PRKN: variants seen among roughly 807,000 people sequenced by gnomAD.
The protein encoded by PRKN is parkin RBR E3 ubiquitin protein ligase, also known as E3 ubiquitin-protein ligase parkin.
Under a neutral mutation model 59.5 loss-of-function variants are expected in PRKN, and 56 were observed. The ratio of observed to expected loss-of-function variants is 0.94; its 90% confidence interval spans 0.76 to 1.18. The LOEUF (loss-of-function observed/expected upper bound fraction) is 1.18. Among genes scored for constraint, PRKN ranks in the 50% most tolerant of loss-of-function variants. The pLI is 0.00. For synonymous variants in PRKN, 250 were observed against 222.1 expected (o/e 1.13, Z -1.12); for missense variants, 657 against 596.4 (o/e 1.10, Z -1.06).
Position 161,498,190 on chromosome 6 carries a change from A to C in PRKN, c.1083+50664T>G, listed in dbSNP as rs1777823815. ...CTATACTATTCATAATTTAGCTGAT[A>C]GAAACCTCTGCTCACCAAGGGGATT... is the stretch of plus-strand genomic sequence containing the variant. On this transcript the variant is annotated intron_variant, in intron 9 of 11. Coordinates refer to ENST00000366898, the MANE Select transcript of PRKN (RefSeq NM_004562.3). This position sits in a 1 kb window ranked among gnomAD's most constrained non-coding sequence, Gnocchi z 4.2. Among the ~76,000 whole-genome samples, 1 of 152,248 alleles carries C rather than the reference A, an allele frequency of 6.6e-6. No homozygotes were observed. Among genetic ancestry groups the C allele is most frequent in the Non-Finnish European group, 1.5e-5 (1 of 68,044 alleles).
chr6:162,494,096 G>C (rs571110420), intron 1 of PRKN, among the ~76,000 whole-genome samples: 2 of 152,260 alleles, frequency 1.3e-5, no homozygotes, highest in South Asian at 4.1e-4. Flanking sequence ...GTGGCTGTCT[G>C]GACTACATTT....
At chr6:162,169,771 C>G (rs1472121781) in intron 4 of PRKN, among the ~76,000 whole-genome samples, 1 of 152,164 alleles carries the variant, frequency 6.6e-6, no homozygotes, top group African/African-American at 2.4e-5. Context: ...ATATTAAAGT[C>G]CTGTAAGATT....
At chr6:161,921,159 A>G (rs1274599058) in intron 6 of PRKN, among the ~76,000 whole-genome samples, 1 of 152,102 alleles carries the variant, frequency 6.6e-6, no homozygotes, top group Non-Finnish European at 1.5e-5. Flanking sequence ...AATTTGTAAA[A>G]CTTTTTAAAC....
chr6:161,891,648 A>G (rs1378990438), intron 6 of PRKN, among the ~76,000 whole-genome samples: 1 of 152,180 alleles, frequency 6.6e-6, no homozygotes, highest in African/African-American at 2.4e-5. Context: ...AGGACTCCAA[A>G]TTGTGGCCAG....
chr6:162,039,946 A>G (rs541991109), intron 5 of PRKN, among the ~76,000 whole-genome samples: 2 of 152,210 alleles, frequency 1.3e-5, no homozygotes, highest in Non-Finnish European at 2.9e-5. Flanking sequence ...AATATTTTTT[A>G]GTTCTTAAAA....
At chr6:162,131,868 T>C (rs1173522141) in intron 4 of PRKN, among the ~76,000 whole-genome samples, 1 of 152,222 alleles carries the variant, frequency 6.6e-6, no homozygotes, top group Admixed American at 6.5e-5. Context: ...GTCTACAATC[T>C]ATAGGATCCT....
rs890328717 is a variant in PRKN at position 161,400,991 on chromosome 6, TACACTGCAAACAA to T, written c.1084-14127_1084-14115del. Among the ~76,000 whole-genome samples the T allele has an allele frequency of 4.6e-5, 7 of 152,162 alleles. No homozygotes were observed. On this transcript the variant is annotated intron_variant, in intron 9 of 11. Transcript: ENST00000366898. This position sits in a 1 kb window ranked among gnomAD's most constrained non-coding sequence, Gnocchi z 4.2. Reference sequence around the variant, plus strand: ...TCAAGGGGAAGACTGTTGATCAGAGTACACTGCAAACAAACATCTGTTTCTGATGGCTGCAGCA... The same window carrying T: ...TCAAGGGGAAGACTGTTGATCAGAGTACATCTGTTTCTGATGGCTGCAGCA...
chr6:162,677,063 C>CAAAA (rs536705591), intron 1 of PRKN, among the ~76,000 whole-genome samples: 25 of 90,272 alleles, frequency 2.8e-4, no homozygotes, highest in East Asian at 6.6e-4. Context: ...ACATCTCAAT[C>CAAAA]AAAAAAAAAA....
chr6:162,137,142 C>T (rs1446878887), intron 4 of PRKN, among the ~76,000 whole-genome samples: 1 of 151,960 alleles, frequency 6.6e-6, no homozygotes, highest in Non-Finnish European at 1.5e-5. Flanking sequence ...TATTAAAAGC[C>T]TTCAGCTTCA....
At position 161,552,398 on chromosome 6, in the gene PRKN, A is replaced by G. The variant is rs1406799283; in HGVS notation, c.934-3395T>C. Among the ~76,000 whole-genome samples the G allele has an allele frequency of 6.8e-5, 3 of 44,288 alleles. 1 individual carries two copies. Among genetic ancestry groups the G allele is most frequent in the African/African-American group, 2.0e-4 (3 of 15,342 alleles). The allele number at this position is 44,288 out of a possible 152,430, so 29.1% of individuals were successfully genotyped here. A position where few individuals can be genotyped will look rare whatever the true frequency, so the allele number is the denominator to read the frequency against. ...CCCTCAGCTCTGTTCACCTCCACCT[A>G]TGACTGTGAATGATCTCACGGTGAT... is the stretch of plus-strand genomic sequence containing the variant. On this transcript the variant is annotated intron_variant, in intron 8 of 11. Coordinates refer to ENST00000366898, the MANE Select transcript of PRKN (RefSeq NM_004562.3). This position sits in a 1 kb window ranked among gnomAD's most constrained non-coding sequence, Gnocchi z 4.9.
chr6:162,222,038 T>C (rs1583220346), intron 3 of PRKN, among the ~76,000 whole-genome samples: 2 of 152,284 alleles, frequency 1.3e-5, no homozygotes, highest in Non-Finnish European at 2.9e-5. Flanking sequence ...TTTAATGCAA[T>C]GTTTTACAGG....
chr6:161,439,667 G>A (rs909779043), intron 9 of PRKN, among the ~76,000 whole-genome samples: 1 of 151,644 alleles, frequency 6.6e-6, no homozygotes, highest in African/African-American at 2.4e-5. Context: ...GTGCCAAAGA[G>A]CTAGAAGTGT....
At chr6:162,563,235 C>T (rs1156921394) in intron 1 of PRKN, among the ~76,000 whole-genome samples, 2 of 151,602 alleles carry the variant, frequency 1.3e-5, no homozygotes, top group Admixed American at 6.6e-5. Flanking sequence ...ACCCAGGAGG[C>T]GGAGCTTGCA....
chr6:162,222,947 T>C (rs1777998082), intron 3 of PRKN, among the ~76,000 whole-genome samples: 1 of 151,872 alleles, frequency 6.6e-6, no homozygotes, highest in Non-Finnish European at 1.5e-5. Flanking sequence ...CATGCTGGTG[T>C]GCTGCACCCA....
intron 7 of PRKN, among the ~76,000 whole-genome samples, chr6:161,778,821 A>G (rs2128205191): frequency 6.6e-6 from 1 of 152,348 alleles, no homozygotes; most frequent in East Asian, 1.9e-4. Context: ...AGGATCAGGC[A>G]TGGACTCTGA....
chr6:161,572,767 A>AGG (rs1157498286), intron 7 of PRKN, among the ~76,000 whole-genome samples: 2 of 152,248 alleles, frequency 1.3e-5, no homozygotes, highest in African/African-American at 4.8e-5. Context: ...AAGGAAAACC[A>AGG]GATCCTTCAA....
intron 5 of PRKN, among the ~76,000 whole-genome samples, chr6:162,023,097 T>C (rs944459681): frequency 6.6e-6 from 1 of 151,844 alleles, no homozygotes; most frequent in Non-Finnish European, 1.5e-5. Context: ...GTGGCTTGCT[T>C]CTTCAGAGCC....
intron 7 of PRKN, among the ~76,000 whole-genome samples, chr6:161,600,798 T>C (rs114091661): frequency 7.0e-4 from 106 of 152,248 alleles, no homozygotes; most frequent in African/African-American, 2.4e-3. Context: ...CCTCCCTGAT[T>C]CCCCTTTTCT....
chr6:162,591,415 T>C (rs1216833312), intron 1 of PRKN, among the ~76,000 whole-genome samples: 1 of 152,160 alleles, frequency 6.6e-6, no homozygotes, highest in African/African-American at 2.4e-5. Context: ...ATGGTGCCCA[T>C]GTGATATGTT....
Sources: gnomAD v4.1 joint callset for allele counts (sites outside exome capture counted in the v4.1 genomes callset) on GRCh38, gnomAD v4.1.1 for gene constraint, Gnocchi (gnomAD v3.1) non-coding constraint, MANE v1.5 for transcripts, NCBI Gene and HGNC (gene_info 2026-07-23, HGNC 2026-07-21) for gene names.